The following CSMD3 variants were observed in gnomAD, a reference collection of about 807,000 sequenced individuals.
CSMD3 encodes the protein CUB and sushi domain-containing protein 3.
CSMD3 carries 177 observed loss-of-function variants against 435.2 expected under a neutral mutation model. The observed-to-expected ratio is 0.41, with a 90% CI of 0.36 to 0.46. The LOEUF (loss-of-function observed/expected upper bound fraction) is 0.46, where lower values mean the gene tolerates loss of function less well. CSMD3 is among the 20% of genes least tolerant of loss of function. CSMD3 has a pLI of 0.34. For missense variants in CSMD3, 4,265 were observed against 4,504.6 expected, an observed-to-expected ratio of 0.95 and a Z score of 1.52; for synonymous variants, 1,656 against 1,520.5, an observed-to-expected ratio of 1.09 and a Z score of -2.07.
At chr8:112,973,582 G>A (rs2084739042) in intron 7 of CSMD3, among the ~76,000 whole-genome samples, 1 of 151,872 alleles carries the variant, frequency 6.6e-6, no homozygotes, top group Non-Finnish European at 1.5e-5. Flanking sequence ...AATAATACTA[G>A]TTAGATGTCA....
intron 3 of CSMD3, among the ~76,000 whole-genome samples, chr8:113,275,283 C>T (rs973814874): frequency 4.6e-5 from 7 of 152,032 alleles, no homozygotes; most frequent in Admixed American, 1.3e-4. Flanking sequence ...ACCAGTTGAA[C>T]AAATATCTTT....
chr8:113,190,685 GTT>G (rs113068906), intron 3 of CSMD3, among the ~76,000 whole-genome samples: 11 of 145,974 alleles, frequency 7.5e-5, no homozygotes, highest in African/African-American at 1.7e-4. Context: ...ATTTACTCTG[GTT>G]TTTTTTTTTT....
chr8:112,803,501 A>G (rs2079008167), intron 12 of CSMD3, among the ~76,000 whole-genome samples: 2 of 152,192 alleles, frequency 1.3e-5, no homozygotes, highest in Admixed American at 6.5e-5. Context: ...TATTTAGGAA[A>G]GCAGAAATTA....
At chr8:112,555,318 T>G (rs1285536983) in intron 25 of CSMD3, among the ~76,000 whole-genome samples, 1 of 152,028 alleles carries the variant, frequency 6.6e-6, no homozygotes, top group Non-Finnish European at 1.5e-5. Flanking sequence ...ATATATGCTT[T>G]TAATGTATTT....
chr8:112,957,968 C>T (rs1324391034), intron 7 of CSMD3, among the ~76,000 whole-genome samples: 1 of 152,190 alleles, frequency 6.6e-6, no homozygotes, highest in East Asian at 1.9e-4. Context: ...TGGTCTCGAT[C>T]TCTTGACCTC....
intron 12 of CSMD3, among the ~76,000 whole-genome samples, chr8:112,820,829 A>C (rs2079509852): frequency 6.6e-6 from 1 of 151,908 alleles, no homozygotes; most frequent in Admixed American, 6.6e-5. Context: ...CACCACCGCC[A>C]ACCAGTTCTG....
At chr8:112,584,186 T>C (rs952550623) in intron 23 of CSMD3, among the ~76,000 whole-genome samples, 2 of 151,834 alleles carry the variant, frequency 1.3e-5, no homozygotes, top group African/African-American at 4.8e-5. Context: ...ACTTTCTTCA[T>C]TTTAACACTA....
chr8:112,781,854 A>G (rs12677261), intron 13 of CSMD3, among the ~76,000 whole-genome samples: 50,602 of 152,134 alleles, frequency 0.33, 9,274 homozygotes, highest in African/African-American at 0.5. Context: ...AGACTGCAAG[A>G]TTTATAGCGT....
chr8:112,522,337 T>C (rs1464951964), intron 27 of CSMD3, among the ~76,000 whole-genome samples: 1 of 151,948 alleles, frequency 6.6e-6, no homozygotes, highest in Non-Finnish European at 1.5e-5. Flanking sequence ...TTTGAATTCA[T>C]TGTAAAAGAA....
At chr8:113,384,906 ATTTGT>A (rs2094432845) in intron 1 of CSMD3, among the ~76,000 whole-genome samples, 1 of 152,128 alleles carries the variant, frequency 6.6e-6, no homozygotes, top group Admixed American at 6.6e-5. Context: ...CAGAGTCTAA[ATTTGT>A]TTTGTTTTGT....
chr8:112,259,004 A>C (rs1816107660), intron 61 of CSMD3, among the ~76,000 whole-genome samples: 1 of 151,928 alleles, frequency 6.6e-6, no homozygotes, highest in South Asian at 2.1e-4. Context: ...GTGCCACTGC[A>C]CTCCAGCCTG....
At chr8:112,471,652 T>C (rs1337805407) in intron 32 of CSMD3, among the ~76,000 whole-genome samples, 1 of 152,114 alleles carries the variant, frequency 6.6e-6, no homozygotes, top group African/African-American at 2.4e-5. Flanking sequence ...TTATAAGAAA[T>C]TGGACTGGAA....
At chr8:113,141,689 T>A (rs556327499) in intron 4 of CSMD3, among the ~76,000 whole-genome samples, 3 of 151,088 alleles carry the variant, frequency 2.0e-5, no homozygotes, top group African/African-American at 7.2e-5. Context: ...TTTCTCAACA[T>A]AACAAAGAAC....
At chr8:112,783,653 A>C (rs2078459759) in intron 13 of CSMD3, among the ~76,000 whole-genome samples, 1 of 152,074 alleles carries the variant, frequency 6.6e-6, no homozygotes, top group Non-Finnish European at 1.5e-5. Context: ...AGAGTGACTA[A>C]ATGGATTTTT....
At chr8:112,580,371 C>A (rs879433762) in intron 23 of CSMD3, among the ~76,000 whole-genome samples, 1 of 151,802 alleles carries the variant, frequency 6.6e-6, no homozygotes, top group Non-Finnish European at 1.5e-5. Flanking sequence ...AAGCGGAGAA[C>A]AAATTAGTTA....
chr8:112,924,678 T>C (rs1402301190), intron 9 of CSMD3, among the ~76,000 whole-genome samples: 1 of 151,934 alleles, frequency 6.6e-6, no homozygotes, highest in Non-Finnish European at 1.5e-5. Flanking sequence ...TTACCAGTAA[T>C]GGTCTCTGAA....
chr8:113,379,871 A>G (rs1490482033), intron 1 of CSMD3, among the ~76,000 whole-genome samples: 1 of 152,180 alleles, frequency 6.6e-6, no homozygotes, highest in African/African-American at 2.4e-5. Flanking sequence ...TTTGCACTAG[A>G]GTACACCCTT....
intron 1 of CSMD3, among the ~76,000 whole-genome samples, chr8:113,334,035 G>A (rs1365170710): frequency 6.6e-6 from 1 of 151,722 alleles, no homozygotes; most frequent in African/African-American, 2.4e-5. Context: ...CTTAATGAGT[G>A]TAAATGATAA....
chr8:112,267,530 T>A (rs1012593036), intron 59 of CSMD3, among the ~76,000 whole-genome samples: 2 of 152,086 alleles, frequency 1.3e-5, no homozygotes, highest in Non-Finnish European at 2.9e-5. Context: ...TTTATTATTT[T>A]ATTTTATTTT....
Sources: allele counts gnomAD v4.1 joint callset (sites outside exome capture counted in the v4.1 genomes callset), GRCh38; gene constraint gnomAD v4.1.1; transcripts MANE v1.5; gene names NCBI Gene and HGNC (gene_info 2026-07-23, HGNC 2026-07-21).